Variants in NIBAN1 observed in about 807,000 individuals in gnomAD.
NIBAN1 encodes the protein protein Niban 1.
NIBAN1 carries 81 observed loss-of-function variants against 75.1 expected under a neutral mutation model. The ratio of observed to expected loss-of-function variants is 1.08; its 90% confidence interval spans 0.90 to 1.30. The LOEUF (loss-of-function observed/expected upper bound fraction) is 1.30, where lower values mean the gene tolerates loss of function less well. NIBAN1 is among the 50% of genes most tolerant of loss of function. The probability of loss-of-function intolerance (pLI) is 0.00; values close to 1 mark genes in which losing one functional copy is unlikely to be tolerated. For synonymous variants in NIBAN1, 436 were observed against 424.8 expected (o/e 1.03, Z -0.32); for missense variants, 1,133 against 1,128.1 (o/e 1.00, Z -0.06).
intron 6 of NIBAN1, among the ~76,000 whole-genome samples, chr1:184,828,252 AGG>A (rs1198583255): frequency 2.8e-4 from 43 of 152,152 alleles, no homozygotes; most frequent in African/African-American, 9.7e-4. Context: ...CATCGCTATG[AGG>A]GCCTTCCATT....
chr1:184,862,144 T>C (rs998802436), intron 5 of NIBAN1, among the ~76,000 whole-genome samples: 2 of 152,058 alleles, frequency 1.3e-5, no homozygotes, highest in African/African-American at 4.8e-5. Flanking sequence ...CCCGCAGACC[T>C]TCCCTGGCAC....
At chr1:184,873,324 C>A (rs1402892662) in intron 5 of NIBAN1, among the ~76,000 whole-genome samples, 1 of 152,162 alleles carries the variant, frequency 6.6e-6, no homozygotes, top group East Asian at 1.9e-4. Context: ...GCAAAGAAAG[C>A]AGTGAAGGAG....
chr1:184,801,316 A>T (rs1049650662), intron 12 of NIBAN1, among the ~76,000 whole-genome samples: 1 of 152,148 alleles, frequency 6.6e-6, no homozygotes, highest in African/African-American at 2.4e-5. Context: ...GATTGAAGAG[A>T]CATGAGCTTC....
chr1:184,947,084 G>GAA (rs754872143), intron 1 of NIBAN1, among the ~76,000 whole-genome samples: 2 of 149,720 alleles, frequency 1.3e-5, no homozygotes, highest in African/African-American at 2.5e-5. Flanking sequence ...AAAAAGAAAA[G>GAA]AAAAGAAAAG....
At chr1:184,805,660 G>A (rs958425144) in intron 11 of NIBAN1, among the ~76,000 whole-genome samples, 2 of 152,140 alleles carry the variant, frequency 1.3e-5, no homozygotes, top group Non-Finnish European at 2.9e-5. Flanking sequence ...TGCTTATAGT[G>A]GACAGCTAAT....
intron 5 of NIBAN1, among the ~76,000 whole-genome samples, chr1:184,874,693 G>A (rs532822810): frequency 6.6e-6 from 1 of 152,026 alleles, no homozygotes; most frequent in African/African-American, 2.4e-5. Context: ...AGTAAAATCA[G>A]TCAATCATCA....
rs763755512 is a variant in NIBAN1, at chr1:184,795,816, CTG to C, written c.1946_1947del (p.Pro649ArgfsTer4). On this transcript the variant is annotated frameshift_variant, in exon 14 of 14. Coordinates refer to ENST00000367511, the MANE Select transcript of NIBAN1 (RefSeq NM_052966.4). LOFTEE classifies it low-confidence loss of function (END_TRUNC). ...GAAATAATCACCTGCTCAGTCCCAT[CTG>C]GGGGTGGGCTTGGCCCAGGGAGAGA... The part of the protein sequence containing the change: ...SLSLPGPSPP[P>X]DGTEQVIISR... 3 of 1,609,886 alleles carry C rather than the reference CTG, an allele frequency of 1.9e-6. No homozygotes were observed. In the Admixed American group the frequency reaches 5.0e-5, roughly 27 times the overall value.
intron 5 of NIBAN1, among the ~76,000 whole-genome samples, chr1:184,837,804 C>G (rs1229983359): frequency 1.3e-5 from 2 of 152,186 alleles, no homozygotes; most frequent in Non-Finnish European, 2.9e-5. Context: ...ACAAAATAGA[C>G]AAGTTTACTC....
chr1:184,883,829 T>A (rs952723534), intron 5 of NIBAN1, among the ~76,000 whole-genome samples: 17 of 152,142 alleles, frequency 1.1e-4, no homozygotes, highest in Non-Finnish European at 2.1e-4. Context: ...GAAACACTGA[T>A]CCAGAAACAA....
intron 1 of NIBAN1, among the ~76,000 whole-genome samples, chr1:184,901,203 A>G (rs1388084068): frequency 6.6e-6 from 1 of 152,196 alleles, no homozygotes; most frequent in Non-Finnish European, 1.5e-5. Context: ...TTTCATATTC[A>G]CTTCATAACA....
At chr1:184,922,698 C>T (rs1177157266) in intron 1 of NIBAN1, among the ~76,000 whole-genome samples, 1 of 152,186 alleles carries the variant, frequency 6.6e-6, no homozygotes, top group Non-Finnish European at 1.5e-5. Flanking sequence ...CCTCTGCCTC[C>T]TAGGTTCAAG....
chr1:184,929,930 G>A (rs1381422870), intron 1 of NIBAN1, among the ~76,000 whole-genome samples: 1 of 152,204 alleles, frequency 6.6e-6, no homozygotes, highest in East Asian at 1.9e-4. Flanking sequence ...GATTAGAACA[G>A]AGACAGCCCT....
At chr1:184,867,557 C>G (rs1655991018) in intron 5 of NIBAN1, among the ~76,000 whole-genome samples, 1 of 152,196 alleles carries the variant, frequency 6.6e-6, no homozygotes, top group Non-Finnish European at 1.5e-5. Context: ...AGGACAATGG[C>G]TAAGGTGTGT....
intron 1 of NIBAN1, among the ~76,000 whole-genome samples, chr1:184,912,378 A>G (rs1657264107): frequency 6.6e-6 from 1 of 152,102 alleles, no homozygotes; most frequent in Non-Finnish European, 1.5e-5. Context: ...TGTTAAGAAT[A>G]TTAGGTCAAA....
intron 8 of NIBAN1, 27 bp downstream of exon 8, chr1:184,823,140 G>C (rs780642610): frequency 1.9e-6 from 3 of 1,609,048 alleles, no homozygotes. Flanking sequence ...TATTTAATTA[G>C]TAAGAGCATG....
intron 1 of NIBAN1, among the ~76,000 whole-genome samples, chr1:184,958,364 T>TCACA (rs3035788): frequency 0.05 from 7,181 of 142,610 alleles, 577 homozygotes; most frequent in African/African-American, 0.17. Context: ...GACAGAGGAG[T>TCACA]CACACACACA....
chr1:184,823,318 C>T lies in NIBAN1; in HGVS notation c.834G>A (p.Glu278=), dbSNP rs1654755003. 1.2e-6 allele frequency: 2 copies of T among 1,613,938 alleles called. No homozygotes were observed. The highest frequency in any genetic ancestry group is 2.2e-5 in the South Asian group (2 of 91,086). ...CTTGATGCTGAACCAGGGTGTAGGC[C>T]TCCTCGAGGAGCTGCAACAAGGAAT... is the stretch of plus-strand genomic sequence containing the variant. ...RKRTWLGLLE[E]AYTLVQHQVS... The change falls in exon 8 of 14, where the codon GAG becomes GAA. Residue 278 remains glutamate, a synonymous_variant. Transcript: ENST00000367511.
At chr1:184,885,614 G>T (rs919337212) in intron 4 of NIBAN1, among the ~76,000 whole-genome samples, 2 of 152,054 alleles carry the variant, frequency 1.3e-5, no homozygotes, top group Non-Finnish European at 2.9e-5. Flanking sequence ...CTCCAACAGG[G>T]CAGCTCTCTG....
At chr1:184,958,105 G>A (rs1050681202) in intron 1 of NIBAN1, among the ~76,000 whole-genome samples, 4 of 152,074 alleles carry the variant, frequency 2.6e-5, no homozygotes, top group African/African-American at 9.7e-5. Flanking sequence ...AGTGACTCAC[G>A]CCTGTAATCC....
Sources: allele counts gnomAD v4.1 joint callset (sites outside exome capture counted in the v4.1 genomes callset), GRCh38; gene constraint gnomAD v4.1.1; transcripts MANE v1.5; gene names NCBI Gene and HGNC (gene_info 2026-07-23, HGNC 2026-07-21).